FRMD4A: variants seen among roughly 807,000 people sequenced by gnomAD.
FRMD4A encodes the protein FERM domain-containing protein 4A.
Under a neutral mutation model 129.1 loss-of-function variants are expected in FRMD4A, and 29 were observed. That is an observed-to-expected ratio of 0.22 (90% CI 0.17 to 0.31). FRMD4A has a LOEUF of 0.31. Among genes scored for constraint, FRMD4A ranks in the 10% least tolerant of loss-of-function variants. The pLI is 1.00. For synonymous variants in FRMD4A, 634 were observed against 571.6 expected (o/e 1.11, Z -1.56); for missense variants, 1,272 against 1,375.8 (o/e 0.92, Z 1.19).
chr10:14,033,125 G>T (rs574598684), intron 2 of FRMD4A, among the ~76,000 whole-genome samples: 1 of 152,224 alleles, frequency 6.6e-6, no homozygotes, highest in Non-Finnish European at 1.5e-5. Context: ...TGGCCAACAT[G>T]GTGAAACCCT....
At chr10:13,849,794 G>T (rs533610012) in intron 3 of FRMD4A, among the ~76,000 whole-genome samples, 1 of 149,860 alleles carries the variant, frequency 6.7e-6, no homozygotes, top group South Asian at 2.2e-4. Context: ...TTGCATTTTT[G>T]CAGAATATCA....
At chr10:14,094,864 T>C (rs1169863168) in intron 2 of FRMD4A, among the ~76,000 whole-genome samples, 2 of 152,176 alleles carry the variant, frequency 1.3e-5, no homozygotes, top group Admixed American at 6.5e-5. Flanking sequence ...CAAGTGTGCA[T>C]GTGTGGACAT....
intron 2 of FRMD4A, among the ~76,000 whole-genome samples, chr10:14,183,993 GAA>G (rs1371882532): frequency 6.6e-6 from 1 of 152,108 alleles, no homozygotes; most frequent in African/African-American, 2.4e-5. Context: ...GGCTTAATTT[GAA>G]AACTTTGCTA....
intron 2 of FRMD4A, among the ~76,000 whole-genome samples, chr10:13,915,003 G>C (rs952902448): frequency 6.6e-6 from 1 of 152,170 alleles, no homozygotes; most frequent in Admixed American, 6.5e-5. Context: ...AACAGAGTGG[G>C]ACCTGGCCTC....
chr10:13,829,123 T>A (rs984243708), intron 3 of FRMD4A, among the ~76,000 whole-genome samples: 1 of 152,148 alleles, frequency 6.6e-6, no homozygotes. Context: ...CTCACCCAAA[T>A]GGTGAGTGTT....
At chr10:13,920,708 T>C (rs1197990277) in intron 2 of FRMD4A, among the ~76,000 whole-genome samples, 1 of 152,274 alleles carries the variant, frequency 6.6e-6, no homozygotes, top group Non-Finnish European at 1.5e-5. Flanking sequence ...TTTTTAGACA[T>C]GTGTCCTGCA....
At chr10:14,208,677 T>C (rs1358614026) in intron 2 of FRMD4A, among the ~76,000 whole-genome samples, 1 of 152,122 alleles carries the variant, frequency 6.6e-6, no homozygotes, top group Non-Finnish European at 1.5e-5. Context: ...TGATGACCTC[T>C]GGCCTCCCCT....
intron 19 of FRMD4A, among the ~76,000 whole-genome samples, chr10:13,662,238 C>T (rs556644652): frequency 2.0e-5 from 3 of 152,274 alleles, no homozygotes; most frequent in African/African-American, 2.4e-5. Flanking sequence ...ATGGCGTCCC[C>T]GGCTTGTAAT....
At position 14,032,258 on chromosome 10, in the gene FRMD4A, T is replaced by C. The variant is rs145159209; in HGVS notation, c.46-173346A>G. On this transcript the variant is annotated intron_variant, in intron 2 of 24. Transcript: ENST00000357447. ...AAGTAATCTGTCAGCAAATAACATA[T>C]ATTACAATATGTAAATGTTTGCAGA... is the stretch of plus-strand genomic sequence containing the variant. 1.6e-4 allele frequency among the ~76,000 whole-genome samples: 24 copies of C among 152,352 alleles called. No individual in the cohort carries two copies. In the East Asian group the frequency reaches 3.7e-3, roughly 23 times the overall value.
intron 2 of FRMD4A, among the ~76,000 whole-genome samples, chr10:14,205,371 A>C (rs1842752414): frequency 6.6e-6 from 1 of 152,122 alleles, no homozygotes; most frequent in Non-Finnish European, 1.5e-5. Flanking sequence ...TACAGAACTC[A>C]GCTTCAAGTA....
intron 12 of FRMD4A, among the ~76,000 whole-genome samples, chr10:13,716,719 T>C (rs1297053692): frequency 1.3e-5 from 2 of 152,152 alleles, no homozygotes; most frequent in Non-Finnish European, 2.9e-5. Flanking sequence ...TAAGAGTCAT[T>C]ACTAGGGGAA....
At chr10:14,193,273 C>T (rs902419429) in intron 2 of FRMD4A, among the ~76,000 whole-genome samples, 5 of 152,130 alleles carry the variant, frequency 3.3e-5, no homozygotes, top group Non-Finnish European at 7.3e-5. Flanking sequence ...GACTAATGCA[C>T]CAAGTGATGT....
intron 2 of FRMD4A, among the ~76,000 whole-genome samples, chr10:13,904,108 G>A (rs1465101353): frequency 2.0e-5 from 3 of 152,156 alleles, no homozygotes; most frequent in Non-Finnish European, 4.4e-5. Flanking sequence ...CCAGGCACTG[G>A]TGGGGGCTGG....
intron 2 of FRMD4A, among the ~76,000 whole-genome samples, chr10:14,129,323 C>A (rs371719497): frequency 1.4e-5 from 2 of 138,282 alleles, no homozygotes; most frequent in East Asian, 2.1e-4. Context: ...GCTCTGAGAG[C>A]CTCAGGGGTT....
rs530124427 is a variant in FRMD4A at position 13,821,679 on chromosome 10, A to G, written c.112-10771T>C. Among the ~76,000 whole-genome samples, 5 of 152,338 alleles carry G rather than the reference A, an allele frequency of 3.3e-5. No individual in the cohort carries two copies. The South Asian group carries it at 1.0e-3, about 32-fold the overall frequency. On this transcript the variant is annotated intron_variant, in intron 3 of 24. Coordinates refer to ENST00000357447, the MANE Select transcript of FRMD4A (RefSeq NM_018027.5). The surrounding 1 kb of genome is among the most constrained non-coding windows in gnomAD (Gnocchi z 4.3). ...CCCATGTGATAGAGGGAACTGAGATACAGCCAGAGAAGCAACTCGCCAAAT... is the reference window on the plus strand; with the variant it reads ...CCCATGTGATAGAGGGAACTGAGATGCAGCCAGAGAAGCAACTCGCCAAAT...
chr10:14,065,349 A>G (rs1250990383), intron 2 of FRMD4A, among the ~76,000 whole-genome samples: 1 of 151,958 alleles, frequency 6.6e-6, no homozygotes, highest in South Asian at 2.1e-4. Context: ...ATACCTGGAT[A>G]ATTTTTTGTA....
At chr10:13,818,604 A>T (rs2093582843) in intron 3 of FRMD4A, among the ~76,000 whole-genome samples, 1 of 152,236 alleles carries the variant, frequency 6.6e-6, no homozygotes. Context: ...GAATCTAGTC[A>T]GTTAATATAT....
At position 13,666,240 on chromosome 10, in the gene FRMD4A, T is replaced by G; in HGVS notation, c.1460A>C (p.Asn487Thr). The G allele has an allele frequency of 6.2e-7, 1 of 1,614,062 alleles. No individual in the cohort carries two copies. Among genetic ancestry groups the G allele is most frequent in the Non-Finnish European group, 8.5e-7 (1 of 1,179,932 alleles). The change falls in exon 18 of 25, where the codon AAC (asparagine) becomes ACC (threonine). Residue 487 changes from asparagine (N) to threonine (T), a missense_variant. This residue lies in a region of FRMD4A where 972 missense variants were observed against 892.3 expected (regional missense o/e 1.09). Coordinates refer to ENST00000357447, the MANE Select transcript of FRMD4A (RefSeq NM_018027.5). Reference protein sequence around the residue: ...EAARRLASDPNVSKKLKKQRK... With the variant: ...EAARRLASDPTVSKKLKKQRK... Reference sequence around the variant, plus strand: ...TTGTTTCTTCAGTTTTTTGCTGACGTTGGGGTCACTGGCTAGGCGGCGGGC... The same window carrying G: ...TTGTTTCTTCAGTTTTTTGCTGACGGTGGGGTCACTGGCTAGGCGGCGGGC...
chr10:14,171,965 T>C (rs1251976941), intron 2 of FRMD4A, among the ~76,000 whole-genome samples: 1 of 152,232 alleles, frequency 6.6e-6, no homozygotes, highest in Non-Finnish European at 1.5e-5. Flanking sequence ...TCTCTTCGGA[T>C]AAATTAAAAA....
Sources: allele counts gnomAD v4.1 joint callset (sites outside exome capture counted in the v4.1 genomes callset), GRCh38; gene constraint gnomAD v4.1.1; regional missense constraint gnomAD v4.1.1; non-coding constraint Gnocchi (gnomAD v3.1); transcripts MANE v1.5; gene names NCBI Gene and HGNC (gene_info 2026-07-23, HGNC 2026-07-21).